The following SLC24A4 variants were observed in gnomAD, a reference collection of about 807,000 sequenced individuals.
The protein encoded by SLC24A4 is sodium/potassium/calcium exchanger 4.
Under a neutral mutation model 79.0 loss-of-function variants are expected in SLC24A4, and 53 were observed. The ratio of observed to expected loss-of-function variants is 0.67; its 90% CI spans 0.54 to 0.84. The LOEUF is 0.84. Ranked by LOEUF, SLC24A4 falls within the 40% of genes least tolerant of loss-of-function variation. The pLI is 0.00. For missense variants in SLC24A4, 731 were observed against 822.0 expected (o/e 0.89, Z 1.35); for synonymous variants, 323 against 323.8 (o/e 1.00, Z 0.03).
At position 92,323,193 on chromosome 14, in the gene SLC24A4, AG is replaced by A. The variant is rs1884886983; in HGVS notation, c.-637del. On this transcript the variant is annotated 5_prime_UTR_variant, in exon 1 of 17. Transcript: ENST00000532405. The surrounding 1 kb of genome is among the most constrained non-coding windows in gnomAD (Gnocchi z 4.9). Reference sequence around the variant, plus strand: ...CGCTGGCGCCCGCAGCCGAGAAGCCAGAGAGAAAGTTCCCGGGGAGAGCTCG... The same window carrying A: ...CGCTGGCGCCCGCAGCCGAGAAGCCAAGAGAAAGTTCCCGGGGAGAGCTCG... 6.6e-6 allele frequency: 1 copy of A among 152,054 alleles called. No individual in the cohort carries two copies. The highest frequency in any genetic ancestry group is 1.5e-5 in the Non-Finnish European group (1 of 68,026). 9.4% of individuals were successfully genotyped at this position (152,054 alleles called of 1,614,324 possible). A position where few individuals can be genotyped will look rare whatever the true frequency, so the allele number is the denominator to read the frequency against.
rs1896122616 is a variant in SLC24A4 at position 92,500,583 on chromosome 14, A to C, written c.*6955A>C. On this transcript the variant is annotated 3_prime_UTR_variant, in exon 17 of 17. Transcript: ENST00000532405. The stretch of plus-strand genomic sequence containing the variant: ...TTTTCATCCCTGCCCTCTAAGCTGC[A>C]GACCCCATGACCACACTGTCTGCTT... 6.6e-6 allele frequency: 1 copy of C among 152,346 alleles called. No homozygotes were observed. The highest frequency in any genetic ancestry group is 1.5e-5 in the Non-Finnish European group (1 of 68,118). 9.4% of individuals were successfully genotyped at this position (152,346 alleles called of 1,614,324 possible).
intron 2 of SLC24A4, among the ~76,000 whole-genome samples, chr14:92,367,396 G>C (rs72695106): frequency 6.6e-6 from 1 of 152,200 alleles, no homozygotes; most frequent in African/African-American, 2.4e-5. Flanking sequence ...GGGAGGCCAG[G>C]GTTGCCTGGT....
At chr14:92,437,928 GA>G (rs529573520) in intron 3 of SLC24A4, among the ~76,000 whole-genome samples, 2 of 151,844 alleles carry the variant, frequency 1.3e-5, no homozygotes, top group African/African-American at 2.4e-5. Flanking sequence ...TGAGAGAGTA[GA>G]AAAAAAAGTG....
At chr14:92,350,984 A>G (rs1194425222) in intron 2 of SLC24A4, among the ~76,000 whole-genome samples, 2 of 150,086 alleles carry the variant, frequency 1.3e-5, no homozygotes, top group Non-Finnish European at 3.0e-5. Context: ...GAAGTTAGCA[A>G]TCTGCAACCT....
chr14:92,463,108 C>T (rs972061057), intron 12 of SLC24A4, among the ~76,000 whole-genome samples: 2 of 152,118 alleles, frequency 1.3e-5, no homozygotes, highest in Non-Finnish European at 2.9e-5. Flanking sequence ...GATGGTACCA[C>T]CCAGCCTTCT....
At chr14:92,453,261 C>T (rs888671291) in intron 10 of SLC24A4, 1 of 152,274 alleles carries the variant, frequency 6.6e-6, no homozygotes, top group African/African-American at 2.4e-5. Context: ...ACCGTGCACC[C>T]TCAAACAAGC....
rs920642970 is a variant in SLC24A4 at position 92,445,816 on chromosome 14, T to C, written c.683+474T>C. Reference sequence around the variant, plus strand: ...GTAAACTCCAGGTGATTTAAAGATATTACTGTAAAACTGAGACTTTTTAGA... The same window carrying C: ...GTAAACTCCAGGTGATTTAAAGATACTACTGTAAAACTGAGACTTTTTAGA... On this transcript the variant is annotated intron_variant, in intron 8 of 16. Transcript: ENST00000532405. 4.6e-5 allele frequency among the ~76,000 whole-genome samples: 7 copies of C among 152,206 alleles called. 1 individual carries two copies. Among genetic ancestry groups the C allele is most frequent in the Non-Finnish European group, 5.9e-5 (4 of 68,032 alleles).
intron 2 of SLC24A4, among the ~76,000 whole-genome samples, chr14:92,393,545 C>T (rs369142632): frequency 8.9e-6 from 1 of 112,500 alleles, no homozygotes; most frequent in Non-Finnish European, 1.7e-5. Flanking sequence ...AAGACACACT[C>T]TTTTTTTTTT....
At chr14:92,444,044 C>T (rs767876644) in intron 7 of SLC24A4, among the ~76,000 whole-genome samples, 1 of 151,950 alleles carries the variant, frequency 6.6e-6, no homozygotes, top group Non-Finnish European at 1.5e-5. Context: ...AGCAAGTCAC[C>T]AGGTGCAGCC....
At chr14:92,438,663 G>A (rs868597511) in intron 3 of SLC24A4, among the ~76,000 whole-genome samples, 4 of 148,808 alleles carry the variant, frequency 2.7e-5, no homozygotes, top group African/African-American at 5.0e-5. Context: ...GCGAGGTATC[G>A]GGGGAAGGGG....
At chr14:92,456,062 C>G (rs536410304) in intron 11 of SLC24A4, among the ~76,000 whole-genome samples, 1 of 152,342 alleles carries the variant, frequency 6.6e-6, no homozygotes, top group Admixed American at 6.5e-5. Context: ...CACGCAGGGC[C>G]TTTCCTGTGG....
At chr14:92,436,004 AG>A (rs946172910) in intron 3 of SLC24A4, among the ~76,000 whole-genome samples, 10 of 152,204 alleles carry the variant, frequency 6.6e-5, no homozygotes, top group African/African-American at 1.7e-4. Flanking sequence ...CCTTTAGAGG[AG>A]GGGTTACCAA....
At chr14:92,492,375 C>T (rs1895730380) in intron 16 of SLC24A4, 135 bp downstream of exon 16, 6 of 788,772 alleles carry the variant, frequency 7.6e-6, no homozygotes, top group Non-Finnish European at 1.2e-5. Context: ...AAAATGTAGA[C>T]GTTCATAGAC....
chr14:92,478,285 G>A (rs1220046152), intron 12 of SLC24A4, among the ~76,000 whole-genome samples: 1 of 152,158 alleles, frequency 6.6e-6, no homozygotes, highest in Non-Finnish European at 1.5e-5. Flanking sequence ...CTTATATTTA[G>A]GTCTTAATCA....
intron 2 of SLC24A4, among the ~76,000 whole-genome samples, chr14:92,372,920 T>TTCCTTCCTTCCTTCCTTCCTTC (rs1220049614): frequency 2.3e-4 from 19 of 83,570 alleles, no homozygotes; most frequent in South Asian, 5.9e-4. Flanking sequence ...TTCCTTCCTT[T>TTCCTTCCTTCCTTCCTTCCTTC]CTTTCTCTTT....
At position 92,443,414 on chromosome 14, in the gene SLC24A4, G is replaced by C. The variant is rs747443233; in HGVS notation, c.597G>C (p.Thr199=). ...GLFAGQVVRL[T]WWAVCRDSVY... is the part of the protein sequence containing the mutation. ...TCTGCTGGCAGGTGGTCCGTCTGAC[G>C]TGGTGGGCCGTGTGCCGAGACTCCG... Residue 199 remains threonine, a synonymous_variant, in exon 7 of 17, where the codon ACG becomes ACC. Transcript: ENST00000532405. 7 of 1,614,026 alleles carry C rather than the reference G, an allele frequency of 4.3e-6. No homozygotes were observed. Among genetic ancestry groups the C allele is most frequent in the Non-Finnish European group, 5.9e-6 (7 of 1,180,020 alleles).
At position 92,496,146 on chromosome 14, in the gene SLC24A4, G is replaced by A. The variant is rs1327535077; in HGVS notation, c.*2518G>A. The A allele has an allele frequency of 6.6e-6, 1 of 152,608 alleles. No individual in the cohort carries two copies. The highest frequency in any genetic ancestry group is 1.5e-5 in the Non-Finnish European group (1 of 68,026). The allele number at this position is 152,608 out of a possible 1,614,324, so 9.5% of individuals were successfully genotyped here. A position where few individuals can be genotyped will look rare whatever the true frequency, so the allele number is the denominator to read the frequency against. On this transcript the variant is annotated 3_prime_UTR_variant, in exon 17 of 17. Transcript: ENST00000532405. ...AGTTGCAGTTAGAAACTAAAATAAT[G>A]TTTTTTAATATGTAATATGCTCCTC...
chr14:92,398,864 C>T lies in SLC24A4; in HGVS notation c.242-35048C>T, dbSNP rs1045380091. On this transcript the variant is annotated intron_variant, in intron 2 of 16. Coordinates refer to ENST00000532405, the MANE Select transcript of SLC24A4 (RefSeq NM_153646.4). The surrounding 1 kb of genome is among the most constrained non-coding windows in gnomAD (Gnocchi z 4.1). ...TTTGGGGTGGCACCCTTCCTTAAAT[C>T]GTCAACTCAATGCCTGCTTCTTTCC... Among the ~76,000 whole-genome samples, 5 of 152,192 alleles carry T rather than the reference C, an allele frequency of 3.3e-5. No individual in the cohort carries two copies. Among genetic ancestry groups the T allele is most frequent in the East Asian group, 1.9e-4 (1 of 5,198 alleles).
intron 14 of SLC24A4, among the ~76,000 whole-genome samples, chr14:92,487,982 C>T (rs1390899651): frequency 1.4e-5 from 2 of 145,318 alleles, no homozygotes; most frequent in African/African-American, 5.2e-5. Context: ...TCCTGCTCCT[C>T]CTCCTCCTCC....
Sources: allele counts gnomAD v4.1 joint callset (sites outside exome capture counted in the v4.1 genomes callset), GRCh38; gene constraint gnomAD v4.1.1; non-coding constraint Gnocchi (gnomAD v3.1); transcripts MANE v1.5; gene names NCBI Gene and HGNC (gene_info 2026-07-23, HGNC 2026-07-21).